Variants in SPECC1 observed in about 807,000 individuals in gnomAD.
The protein encoded by SPECC1 is sperm antigen with calponin homology and coiled-coil domains 1, also known as cytospin-B.
A neutral mutation model predicts 104.1 loss-of-function variants in SPECC1; 62 were observed. The observed-to-expected ratio is 0.60, with a 90% confidence interval of 0.49 to 0.74. The LOEUF (loss-of-function observed/expected upper bound fraction) is 0.74, where lower values mean the gene tolerates loss of function less well. Among genes scored for constraint, SPECC1 ranks in the 30% least tolerant of loss-of-function variants. The probability of loss-of-function intolerance (pLI) is 0.00; values close to 1 mark genes in which losing one functional copy is unlikely to be tolerated. For missense variants in SPECC1, 1,306 were observed against 1,310.5 expected (o/e 1.00, Z 0.05); for synonymous variants, 513 against 501.6 (o/e 1.02, Z -0.30).
At chr17:20,044,349 C>T (rs989490831) in intron 1 of SPECC1, among the ~76,000 whole-genome samples, 1 of 152,148 alleles carries the variant, frequency 6.6e-6, no homozygotes, top group Non-Finnish European at 1.5e-5. Context: ...GAGAAGGTGA[C>T]TTTGTAATCT....
At chr17:20,062,692 A>ATTT (rs112506359) in intron 1 of SPECC1, among the ~76,000 whole-genome samples, 164 of 143,130 alleles carry the variant, frequency 1.1e-3, no homozygotes, top group Non-Finnish European at 2.0e-3. Context: ...CAAGAAATAC[A>ATTT]TTTTTTTTTT....
chr17:20,219,211 T>C (rs962637199), intron 4 of SPECC1, among the ~76,000 whole-genome samples: 2 of 152,190 alleles, frequency 1.3e-5, no homozygotes, highest in Admixed American at 1.3e-4. Flanking sequence ...TTTTTAGTTT[T>C]TTTGAGGGAC....
At chr17:20,278,337 A>AG (rs1299486304) in intron 12 of SPECC1, among the ~76,000 whole-genome samples, 3 of 152,184 alleles carry the variant, frequency 2.0e-5, no homozygotes, top group African/African-American at 7.2e-5. Flanking sequence ...ACAGAGGCAG[A>AG]GGATAAGAGC....
chr17:20,156,043 C>T, intron 3 of SPECC1: 2 of 1,277,076 alleles, frequency 1.6e-6, no homozygotes, highest in African/African-American at 1.5e-5. Flanking sequence ...GCTCCGCCGG[C>T]AGCTGCTGGG....
At chr17:20,142,875 C>G (rs969840956) in intron 3 of SPECC1, among the ~76,000 whole-genome samples, 11 of 150,870 alleles carry the variant, frequency 7.3e-5, no homozygotes, top group Non-Finnish European at 5.9e-5. Context: ...TGGTGCGTGC[C>G]TGTAGTCACA....
chr17:20,082,843 A>G (rs1042917273), intron 1 of SPECC1, among the ~76,000 whole-genome samples: 16 of 151,988 alleles, frequency 1.1e-4, no homozygotes, highest in Non-Finnish European at 2.2e-4. Context: ...GACACAGTTC[A>G]GCCCATGACT....
chr17:20,265,066 T>C (rs1009314636), intron 12 of SPECC1, among the ~76,000 whole-genome samples: 5 of 152,236 alleles, frequency 3.3e-5, no homozygotes, highest in Admixed American at 6.5e-5. Flanking sequence ...TTTTTTCTAC[T>C]GTGAACAGTG....
At chr17:20,133,662 A>G (rs899734330) in intron 3 of SPECC1, among the ~76,000 whole-genome samples, 6 of 152,218 alleles carry the variant, frequency 3.9e-5, no homozygotes, top group Non-Finnish European at 8.8e-5. Flanking sequence ...GCAGGGATTC[A>G]TGAATATTCC....
At chr17:20,225,943 A>C (rs982548088) in intron 4 of SPECC1, among the ~76,000 whole-genome samples, 3 of 152,124 alleles carry the variant, frequency 2.0e-5, no homozygotes, top group South Asian at 2.1e-4. Context: ...CATTCATCAA[A>C]TATTCATTAA....
chr17:20,081,382 C>T (rs1424043842), intron 1 of SPECC1, among the ~76,000 whole-genome samples: 2 of 152,016 alleles, frequency 1.3e-5, no homozygotes, highest in African/African-American at 2.4e-5. Flanking sequence ...TCCCACGACT[C>T]GTTTTGGGCC....
chr17:20,024,030 C>T (rs996434285), intron 1 of SPECC1, among the ~76,000 whole-genome samples: 5 of 152,136 alleles, frequency 3.3e-5, no homozygotes, highest in African/African-American at 7.2e-5. Flanking sequence ...AAGAGCAATA[C>T]ACTTTGACGA....
intron 1 of SPECC1, among the ~76,000 whole-genome samples, chr17:20,041,545 AAT>A (rs1244866697): frequency 1.1e-4 from 17 of 151,126 alleles, no homozygotes; most frequent in African/African-American, 4.1e-4. Flanking sequence ...ACCTGGCCAA[AAT>A]ATATATCTTT....
intron 5 of SPECC1, among the ~76,000 whole-genome samples, chr17:20,228,768 G>C (rs550894894): frequency 7.2e-5 from 11 of 152,284 alleles, no homozygotes; most frequent in Non-Finnish European, 1.5e-4. Context: ...TTTGAATTGG[G>C]AAAGAAATTT....
At chr17:20,185,737 C>T (rs2035226437) in intron 3 of SPECC1, among the ~76,000 whole-genome samples, 1 of 152,228 alleles carries the variant, frequency 6.6e-6, no homozygotes, top group South Asian at 2.1e-4. Flanking sequence ...GAGCCAACCT[C>T]CACTACTCCT....
At chr17:20,147,770 C>T (rs935277965) in intron 3 of SPECC1, among the ~76,000 whole-genome samples, 3 of 152,160 alleles carry the variant, frequency 2.0e-5, no homozygotes, top group African/African-American at 7.2e-5. Context: ...GGTGCAATGG[C>T]TCATGCTATA....
chr17:20,175,804 G>A (rs886213064), intron 3 of SPECC1, among the ~76,000 whole-genome samples: 10 of 152,210 alleles, frequency 6.6e-5, no homozygotes, highest in Non-Finnish European at 8.8e-5. Context: ...TGCCGGGTGG[G>A]ACAGTGGGCT....
rs964791704 is a variant in SPECC1 at position 20,314,311 on chromosome 17, A to G, written c.*246A>G. 4 of 521,942 alleles carry G rather than the reference A, an allele frequency of 7.7e-6. No individual in the cohort carries two copies. Among genetic ancestry groups the G allele is most frequent in the African/African-American group, 7.6e-5 (4 of 52,908 alleles). The allele number at this position is 521,942 out of a possible 1,614,324, so 32.3% of individuals were successfully genotyped here. A position where few individuals can be genotyped will look rare whatever the true frequency, so the allele number is the denominator to read the frequency against. On this transcript the variant is annotated 3_prime_UTR_variant, in exon 15 of 15. Transcript: ENST00000395527. ...TTGATCTCTTGTGGGATGCTTCTAA[A>G]GAGGGCAGCCTCCCTCCTTCCAGAC...
chr17:20,215,133 C>G (rs2037406800), intron 4 of SPECC1, among the ~76,000 whole-genome samples: 1 of 152,242 alleles, frequency 6.6e-6, no homozygotes, highest in Non-Finnish European at 1.5e-5. Flanking sequence ...AGGCCGGGGC[C>G]TCGTGCCTGA....
At position 20,313,881 on chromosome 17, in the gene SPECC1, G is replaced by A. The variant is rs2041995145; in HGVS notation, c.3118-95G>A. The A allele has an allele frequency of 5.3e-6, 6 of 1,129,128 alleles. No individual in the cohort carries two copies. The South Asian group carries it at 6.7e-5, about 13-fold the overall frequency. 69.9% of individuals were successfully genotyped at this position (1,129,128 alleles called of 1,614,324 possible). A position where few individuals can be genotyped will look rare whatever the true frequency, so the allele number is the denominator to read the frequency against. On this transcript the variant is annotated intron_variant, in intron 14 of 14. Coordinates refer to ENST00000395527, the MANE Select transcript of SPECC1 (RefSeq NM_001243439.2). ...TGTCTGTGTAAGTGGAGGGTTTCCAGGCAGTGTAAGCCCTAACCTGGACTG... is the reference window on the plus strand; with the variant it reads ...TGTCTGTGTAAGTGGAGGGTTTCCAAGCAGTGTAAGCCCTAACCTGGACTG...
Sources: gnomAD v4.1 joint callset for allele counts (sites outside exome capture counted in the v4.1 genomes callset) on GRCh38, gnomAD v4.1.1 for gene constraint, MANE v1.5 for transcripts, NCBI Gene and HGNC (gene_info 2026-07-23, HGNC 2026-07-21) for gene names.